The following KLHDC4 variants were observed in gnomAD, a reference collection of about 807,000 sequenced individuals.
KLHDC4 encodes the protein kelch domain containing 4.
A neutral mutation model predicts 62.4 loss-of-function variants in KLHDC4; 90 were observed. That is an observed-to-expected ratio of 1.44 (90% confidence interval 1.22 to 1.72). The LOEUF (loss-of-function observed/expected upper bound fraction) is 1.72, where lower values mean the gene tolerates loss of function less well. Ranked by LOEUF, KLHDC4 falls within the 40% of genes most tolerant of loss-of-function variation. The pLI is 0.00. For missense variants in KLHDC4, 1,025 were observed against 699.7 expected (o/e 1.47, Z -5.25); for synonymous variants, 386 against 284.4 (o/e 1.36, Z -3.59).
intron 7 of KLHDC4, among the ~76,000 whole-genome samples, chr16:87,719,668 A>G (rs952042395): frequency 6.7e-6 from 1 of 148,484 alleles, no homozygotes; most frequent in Non-Finnish European, 1.5e-5. Flanking sequence ...ATCAATAAAT[A>G]CTAAAAAAAA....
chr16:87,704,215 C>T (rs372916006), downstream of KLHDC4, among the ~76,000 whole-genome samples: 49 of 152,346 alleles, frequency 3.2e-4, no homozygotes, highest in South Asian at 8.3e-3. Flanking sequence ...GTCACCTGAA[C>T]GACACGTGGA....
chr16:87,734,803 T>A (rs529955352), intron 5 of KLHDC4, among the ~76,000 whole-genome samples: 38 of 152,098 alleles, frequency 2.5e-4, no homozygotes, highest in Non-Finnish European at 4.4e-4. Context: ...AGCAGCTCCA[T>A]CCCCTCCGGG....
intron 5 of KLHDC4, among the ~76,000 whole-genome samples, chr16:87,745,124 G>T (rs1468963619): frequency 6.6e-6 from 1 of 152,206 alleles, no homozygotes; most frequent in Non-Finnish European, 1.5e-5. Flanking sequence ...GGGGTCAGGG[G>T]ACACGCACAT....
chr16:87,762,299 A>C (rs1597430243), intron 1 of KLHDC4: 1 of 531,950 alleles, frequency 1.9e-6, no homozygotes, highest in Non-Finnish European at 3.0e-6. Flanking sequence ...CCTCTGCAAG[A>C]CCTTCCACTT....
intron 7 of KLHDC4, among the ~76,000 whole-genome samples, chr16:87,721,889 G>A (rs762340801): frequency 4.0e-5 from 6 of 151,858 alleles, no homozygotes; most frequent in Admixed American, 1.3e-4. Context: ...TCCGCCCCTC[G>A]CTGCCCATGT....
downstream of KLHDC4, among the ~76,000 whole-genome samples, chr16:87,707,110 G>C (rs2034828894): frequency 6.6e-6 from 1 of 152,264 alleles, no homozygotes; most frequent in Non-Finnish European, 1.5e-5. Flanking sequence ...TGCACCAGGT[G>C]TGGTTTCAAT....
intron 5 of KLHDC4, among the ~76,000 whole-genome samples, chr16:87,742,106 G>A (rs966333384): frequency 5.9e-5 from 9 of 151,964 alleles, no homozygotes; most frequent in African/African-American, 2.2e-4. Context: ...AAAAAAAAAT[G>A]ACAGAGGAAA....
At chr16:87,737,530 G>A (rs964962405) in intron 5 of KLHDC4, among the ~76,000 whole-genome samples, 6 of 151,640 alleles carry the variant, frequency 4.0e-5, no homozygotes, top group African/African-American at 1.5e-4. Context: ...GGAGGTTGCC[G>A]TGAGCCGAGA....
chr16:87,735,060 G>C (rs1216410212), intron 5 of KLHDC4, among the ~76,000 whole-genome samples: 2 of 139,510 alleles, frequency 1.4e-5, no homozygotes, highest in Non-Finnish European at 3.0e-5. Context: ...ATTTCCTGAT[G>C]GATTACTTTA....
intron 5 of KLHDC4, among the ~76,000 whole-genome samples, chr16:87,742,175 A>C (rs1229769544): frequency 6.6e-6 from 1 of 152,122 alleles, no homozygotes; most frequent in Non-Finnish European, 1.5e-5. Flanking sequence ...CCCCAAGCCC[A>C]ATTACAGGCA....
At chr16:87,723,041 A>T (rs2038715208) in intron 7 of KLHDC4, among the ~76,000 whole-genome samples, 1 of 152,224 alleles carries the variant, frequency 6.6e-6, no homozygotes, top group Non-Finnish European at 1.5e-5. Context: ...TCATGCCAAG[A>T]GGACAGAGCA....
At chr16:87,753,733 G>A (rs565851538) in intron 4 of KLHDC4, among the ~76,000 whole-genome samples, 8 of 151,816 alleles carry the variant, frequency 5.3e-5, no homozygotes, top group South Asian at 2.1e-4. Flanking sequence ...CTCAGGAAGC[G>A]GAGGTTGCAG....
At chr16:87,740,464 G>C (rs904071732) in intron 5 of KLHDC4, 2 of 152,224 alleles carry the variant, frequency 1.3e-5, no homozygotes, top group Admixed American at 6.5e-5. Flanking sequence ...ATGCTGGGAG[G>C]ATCCAGGCCG....
chr16:87,762,825 G>A (rs748054624), intron 1 of KLHDC4, among the ~76,000 whole-genome samples: 17 of 152,098 alleles, frequency 1.1e-4, no homozygotes, highest in Non-Finnish European at 2.1e-4. Context: ...CCCGAGCCTG[G>A]CATTTCAAGT....
intron 5 of KLHDC4, among the ~76,000 whole-genome samples, chr16:87,732,654 C>T (rs1245806810): frequency 2.6e-5 from 4 of 152,246 alleles, no homozygotes; most frequent in Non-Finnish European, 4.4e-5. Flanking sequence ...ATTCTATCAA[C>T]TTGACAAAGA....
intron 10 of KLHDC4, 117 bp from the exon 11 acceptor site, chr16:87,708,583 T>A: frequency 1.7e-6 from 1 of 599,234 alleles, no homozygotes; most frequent in Non-Finnish European, 2.7e-6. Context: ...AACCATAATG[T>A]GAAACCTAAC....
intron 3 of KLHDC4, 31 bp downstream of exon 3, chr16:87,756,368 T>C (rs1193280911): frequency 9.4e-6 from 14 of 1,493,088 alleles, no homozygotes; most frequent in Non-Finnish European, 1.2e-5. Context: ...TCACGCAACA[T>C]GGGAAGAAAA....
intron 5 of KLHDC4, among the ~76,000 whole-genome samples, chr16:87,732,292 C>CATCAT (rs756426033): frequency 6.6e-6 from 1 of 151,978 alleles, no homozygotes; most frequent in Non-Finnish European, 1.5e-5. Flanking sequence ...GATGGGGTTT[C>CATCAT]ATCATATTGG....
chr16:87,719,842 G>C (rs2037901528), intron 7 of KLHDC4, among the ~76,000 whole-genome samples: 1 of 152,192 alleles, frequency 6.6e-6, no homozygotes, highest in Admixed American at 6.5e-5. Flanking sequence ...GCTGGCTCTG[G>C]AATTACTTAG....
Sources: allele counts gnomAD v4.1 joint callset (sites outside exome capture counted in the v4.1 genomes callset), GRCh38; gene constraint gnomAD v4.1.1; transcripts MANE v1.5; gene names NCBI Gene and HGNC (gene_info 2026-07-23, HGNC 2026-07-21).